HIPK2: variants seen among roughly 807,000 people sequenced by gnomAD.
The protein encoded by HIPK2 is homeodomain-interacting protein kinase 2.
HIPK2 carries 27 observed loss-of-function variants against 113.7 expected under a neutral mutation model. The observed-to-expected ratio is 0.24, with a 90% CI of 0.17 to 0.33. HIPK2 has a LOEUF of 0.33. HIPK2 is among the 10% of genes least tolerant of loss of function. The pLI, the probability that HIPK2 is intolerant of heterozygous loss-of-function variation, is 1.00. For missense variants in HIPK2, 1,257 were observed against 1,588.0 expected, an observed-to-expected ratio of 0.79 and a Z score of 3.54; for synonymous variants, 631 against 642.2, an observed-to-expected ratio of 0.98 and a Z score of 0.26.
At chr7:139,583,283 G>A (rs1798727839) in intron 13 of HIPK2, among the ~76,000 whole-genome samples, 1 of 146,090 alleles carries the variant, frequency 6.8e-6, no homozygotes, top group Non-Finnish European at 1.5e-5. Flanking sequence ...CGCGGGACAG[G>A]AGGAGTCCTC....
intron 2 of HIPK2, among the ~76,000 whole-genome samples, chr7:139,641,155 A>G (rs1801001935): frequency 6.6e-6 from 1 of 152,160 alleles, no homozygotes; most frequent in Admixed American, 6.5e-5. Flanking sequence ...ACCTGAGGTC[A>G]GGAGTTCGAG....
chr7:139,587,364 C>T (rs1399331009), intron 12 of HIPK2, among the ~76,000 whole-genome samples: 1 of 151,700 alleles, frequency 6.6e-6, no homozygotes, highest in East Asian at 1.9e-4. Flanking sequence ...GGTGGTGGGG[C>T]CTGCAATCCC....
chr7:139,562,044 CTATAA>C lies in HIPK2; in HGVS notation c.*10878_*10882del, dbSNP rs1047521814. The C allele has an allele frequency of 1.3e-5, 2 of 151,988 alleles. No individual in the cohort carries two copies. Among genetic ancestry groups the C allele is most frequent in the Admixed American group, 6.6e-5 (1 of 15,262 alleles). The allele number at this position is 151,988 out of a possible 1,614,324, so 9.4% of individuals were successfully genotyped here. A position where few individuals can be genotyped will look rare whatever the true frequency, so the allele number is the denominator to read the frequency against. ...TAAAATATCCATTCTTATAACATACCTATAATATGAGACTAAGGAATAGGTTACAT... is the reference window on the plus strand; with the variant it reads ...TAAAATATCCATTCTTATAACATACCTATGAGACTAAGGAATAGGTTACAT... On this transcript the variant is annotated 3_prime_UTR_variant, in exon 15 of 15. Coordinates refer to ENST00000406875, the MANE Select transcript of HIPK2 (RefSeq NM_022740.5).
At chr7:139,705,695 G>C (rs1158160862) in intron 2 of HIPK2, among the ~76,000 whole-genome samples, 1 of 152,104 alleles carries the variant, frequency 6.6e-6, no homozygotes, top group African/African-American at 2.4e-5. Flanking sequence ...AGAACAATAA[G>C]CCTCAGAAAG....
At chr7:139,775,966 C>A (rs906757402) in intron 1 of HIPK2, among the ~76,000 whole-genome samples, 1 of 152,130 alleles carries the variant, frequency 6.6e-6, no homozygotes, top group Middle Eastern at 3.2e-3. Context: ...CTCAACTCAC[C>A]GGGAGTGTCC....
chr7:139,660,169 C>T (rs573797026), intron 2 of HIPK2, among the ~76,000 whole-genome samples: 9 of 152,284 alleles, frequency 5.9e-5, no homozygotes, highest in African/African-American at 1.7e-4. Context: ...GTGTTATTGT[C>T]TGTCTCTTGG....
intron 1 of HIPK2, among the ~76,000 whole-genome samples, chr7:139,719,436 C>A (rs1293791631): frequency 6.6e-6 from 1 of 152,096 alleles, no homozygotes; most frequent in African/African-American, 2.4e-5. Flanking sequence ...GCATTTCCAC[C>A]GTTTTGACTC....
At chr7:139,732,903 G>A (rs1795837910) in intron 1 of HIPK2, among the ~76,000 whole-genome samples, 1 of 151,158 alleles carries the variant, frequency 6.6e-6, no homozygotes, top group Non-Finnish European at 1.5e-5. Context: ...ATCTTAAATT[G>A]TAATCCCCAG....
chr7:139,633,213 T>C (rs1800684012), intron 2 of HIPK2, among the ~76,000 whole-genome samples: 1 of 151,914 alleles, frequency 6.6e-6, no homozygotes, highest in Admixed American at 6.6e-5. Flanking sequence ...TAAGAGATGG[T>C]AGAAGAGGCT....
chr7:139,759,334 C>T (rs921856089), intron 1 of HIPK2, among the ~76,000 whole-genome samples: 1 of 152,208 alleles, frequency 6.6e-6, no homozygotes, highest in Non-Finnish European at 1.5e-5. Context: ...ATACTGCTTG[C>T]ATGAGTAGAA....
intron 13 of HIPK2, among the ~76,000 whole-genome samples, chr7:139,579,485 A>T (rs569156034): frequency 2.0e-5 from 3 of 152,306 alleles, no homozygotes; most frequent in African/African-American, 7.2e-5. Flanking sequence ...CCTTGATTGA[A>T]TTCGGTTGGA....
intron 13 of HIPK2, among the ~76,000 whole-genome samples, chr7:139,580,901 CT>C (rs1391133868): frequency 6.6e-6 from 1 of 152,170 alleles, no homozygotes; most frequent in Non-Finnish European, 1.5e-5. Flanking sequence ...TGAACTCTGT[CT>C]CCTGGTTAAA....
chr7:139,768,040 G>A (rs1051248243), intron 1 of HIPK2, among the ~76,000 whole-genome samples: 4 of 152,242 alleles, frequency 2.6e-5, no homozygotes, highest in Admixed American at 1.3e-4. Flanking sequence ...AGGGCCTGTG[G>A]GTGTACATGT....
At chr7:139,693,660 CCTCTA>C (rs1025796497) in intron 2 of HIPK2, among the ~76,000 whole-genome samples, 3 of 152,004 alleles carry the variant, frequency 2.0e-5, no homozygotes, top group African/African-American at 7.3e-5. Flanking sequence ...TCCCCTTCGT[CCTCTA>C]CTCTATATCA....
intron 2 of HIPK2, among the ~76,000 whole-genome samples, chr7:139,711,013 T>A (rs1054138887): frequency 6.6e-5 from 10 of 151,600 alleles, no homozygotes; most frequent in Non-Finnish European, 1.0e-4. Context: ...TTTTTTTTTT[T>A]AATAAATTAC....
chr7:139,684,952 A>C (rs1478715504), intron 2 of HIPK2, among the ~76,000 whole-genome samples: 1 of 152,152 alleles, frequency 6.6e-6, no homozygotes, highest in Non-Finnish European at 1.5e-5. Context: ...TCCAGAACAA[A>C]TCCCTAACTC....
intron 2 of HIPK2, among the ~76,000 whole-genome samples, chr7:139,688,848 C>A (rs1794311536): frequency 6.6e-6 from 1 of 151,952 alleles, no homozygotes; most frequent in Non-Finnish European, 1.5e-5. Context: ...TTTAATGCCA[C>A]CAGTATAGAA....
intron 1 of HIPK2, among the ~76,000 whole-genome samples, chr7:139,739,144 C>T (rs751595355): frequency 1.3e-5 from 2 of 152,192 alleles, no homozygotes; most frequent in Non-Finnish European, 2.9e-5. Context: ...TGTCCAGGCT[C>T]AAACTCCTGG....
At chr7:139,611,146 TACC>T (rs1799802652) in intron 9 of HIPK2, among the ~76,000 whole-genome samples, 1 of 152,210 alleles carries the variant, frequency 6.6e-6, no homozygotes, top group Admixed American at 6.5e-5. Context: ...ATTGGGTTGG[TACC>T]TGTCAAGTGA....
Sources: allele counts gnomAD v4.1 joint callset (sites outside exome capture counted in the v4.1 genomes callset), GRCh38; gene constraint gnomAD v4.1.1; transcripts MANE v1.5; gene names NCBI Gene and HGNC (gene_info 2026-07-23, HGNC 2026-07-21).